The following SUMF1 variants were observed in gnomAD, a reference collection of about 807,000 sequenced individuals.
SUMF1 encodes formylglycine-generating enzyme.
In SUMF1, 48 loss-of-function variants were observed where a neutral mutation model predicts 47.6. That is an observed-to-expected ratio of 1.01 (90% CI 0.80 to 1.28). The LOEUF (loss-of-function observed/expected upper bound fraction) is 1.28. SUMF1 is among the 50% of genes most tolerant of loss of function. SUMF1 has a pLI of 0.00. For synonymous variants in SUMF1, 230 were observed against 192.1 expected, an observed-to-expected ratio of 1.20 and a Z score of -1.63; for missense variants, 571 against 485.4, an observed-to-expected ratio of 1.18 and a Z score of -1.66.
At chr3:4,267,121 G>C (rs1473421349) in intron 8 of SUMF1, among the ~76,000 whole-genome samples, 1 of 152,140 alleles carries the variant, frequency 6.6e-6, no homozygotes, top group African/African-American at 2.4e-5. Context: ...GCTGGATTCA[G>C]TTTGCCAGTA....
chr3:4,146,899 G>T (rs1694207189), intron 8 of SUMF1, among the ~76,000 whole-genome samples: 1 of 152,072 alleles, frequency 6.6e-6, no homozygotes, highest in Non-Finnish European at 1.5e-5. Context: ...GTATTCCATG[G>T]TGTATATGTG....
chr3:4,039,786 T>G (rs1411899163), intron 9 of SUMF1, among the ~76,000 whole-genome samples: 2 of 152,150 alleles, frequency 1.3e-5, no homozygotes, highest in African/African-American at 2.4e-5. Flanking sequence ...TTTTGGAGGC[T>G]GAGGCAGGAG....
At position 4,278,667 on chromosome 3, in the gene SUMF1, G is replaced by A. The variant is rs185127209; in HGVS notation, c.1014+97663C>T. On this transcript the variant is annotated intron_variant and NMD_transcript_variant, in intron 8 of 12. Coordinates refer to the SUMF1 transcript ENST00000448413. Reference sequence around the variant, plus strand: ...TCTCCCTCAAGTGGCACTGTCATCAGTCGAACCAAGATTAGATAAATTAAC... The same window carrying A: ...TCTCCCTCAAGTGGCACTGTCATCAATCGAACCAAGATTAGATAAATTAAC... Among the ~76,000 whole-genome samples the A allele has an allele frequency of 2.2e-4, 34 of 152,212 alleles. 1 individual carries two copies. Among genetic ancestry groups the A allele is most frequent in the Non-Finnish European group, 3.7e-4 (25 of 67,986 alleles).
At chr3:4,254,279 C>T (rs369541975) in intron 8 of SUMF1, among the ~76,000 whole-genome samples, 3 of 151,800 alleles carry the variant, frequency 2.0e-5, no homozygotes, top group South Asian at 2.1e-4. Context: ...CTTTGACGAG[C>T]TGAGAGAAGA....
intron 8 of SUMF1, among the ~76,000 whole-genome samples, chr3:4,270,426 T>A (rs77055892): frequency 0.025 from 3,845 of 151,662 alleles, 154 homozygotes; most frequent in African/African-American, 0.087. Flanking sequence ...TCTCTCTCTC[T>A]CACACACATA....
chr3:4,452,886 T>G lies in SUMF1; in HGVS notation c.434A>C (p.Tyr145Ser). Reference sequence around the variant, plus strand: ...CCCCAATCCCATTACCTCTGTCAAATAGCCAGTTGAGTTCACAAACTTCTC... The same window carrying G: ...CCCCAATCCCATTACCTCTGTCAAAGAGCCAGTTGAGTTCACAAACTTCTC... ...EFEKFVNSTG[Y>S]LTEAEKFGDS... is the part of the protein sequence containing the mutation. The change falls in exon 2 of 9, where the codon TAT (tyrosine) becomes TCT (serine). Residue 145 changes from tyrosine to serine, a missense_variant. Transcript: ENST00000272902. 2 of 1,614,218 alleles carry G rather than the reference T, an allele frequency of 1.2e-6. No individual in the cohort carries two copies. Among genetic ancestry groups the G allele is most frequent in the South Asian group, 2.2e-5 (2 of 91,086 alleles).
chr3:4,260,969 A>T (rs1463425674), intron 8 of SUMF1, among the ~76,000 whole-genome samples: 1 of 152,094 alleles, frequency 6.6e-6, no homozygotes, highest in Non-Finnish European at 1.5e-5. Context: ...CCCAGTGAGA[A>T]CTGTGTTGGT....
chr3:4,068,604 G>T (rs149614513), exon 9 of SUMF1: 9 of 413,126 alleles, frequency 2.2e-5, no homozygotes, highest in African/African-American at 1.6e-4. Context: ...CATGTCAAAC[G>T]TTCAATAGCT....
intron 8 of SUMF1, among the ~76,000 whole-genome samples, chr3:4,281,602 T>C (rs1036881810): frequency 2.0e-5 from 3 of 152,140 alleles, no homozygotes; most frequent in South Asian, 2.1e-4. Context: ...GAGAGATGTT[T>C]ACAGTTCAGG....
rs1693006113 is a variant in SUMF1 at position 4,100,401 on chromosome 3, T to C, written c.1015-31656A>G. Among the ~76,000 whole-genome samples, 6 of 152,142 alleles carry C rather than the reference T, an allele frequency of 3.9e-5. No homozygotes were observed. In the South Asian group the frequency reaches 1.2e-3, roughly 32 times the overall value. On this transcript the variant is annotated intron_variant and NMD_transcript_variant, in intron 8 of 12. Coordinates refer to the SUMF1 transcript ENST00000448413. ...AATAAACCCACACGTCTACAGTCAA[T>C]TAATTTTCAACAAAGGTGCCAAGAA...
intron 8 of SUMF1, among the ~76,000 whole-genome samples, chr3:4,264,730 T>C (rs1004038563): frequency 2.0e-5 from 3 of 152,168 alleles, no homozygotes; most frequent in Non-Finnish European, 2.9e-5. Context: ...CAGGGGAGGA[T>C]AGCCTGGACT....
At chr3:4,098,371 G>A (rs1028087659) in intron 8 of SUMF1, among the ~76,000 whole-genome samples, 1 of 152,128 alleles carries the variant, frequency 6.6e-6, no homozygotes, top group African/African-American at 2.4e-5. Context: ...CAGACACATA[G>A]GGACACACAA....
intron 9 of SUMF1, among the ~76,000 whole-genome samples, chr3:4,068,403 A>G (rs1211601909): frequency 6.6e-6 from 1 of 152,196 alleles, no homozygotes; most frequent in Non-Finnish European, 1.5e-5. Context: ...TTTGAGCCAC[A>G]TTTTAAAAAG....
chr3:4,297,722 T>C (rs1235180341), intron 8 of SUMF1, among the ~76,000 whole-genome samples: 1 of 152,126 alleles, frequency 6.6e-6, no homozygotes, highest in African/African-American at 2.4e-5. Context: ...ATAGTTCTTA[T>C]TAGAAGGCTA....
chr3:4,280,124 TAC>T (rs1320241150), intron 8 of SUMF1, among the ~76,000 whole-genome samples: 2 of 152,182 alleles, frequency 1.3e-5, no homozygotes, highest in African/African-American at 4.8e-5. Context: ...TGTGAGGTAG[TAC>T]AGATGTTAAT....
intron 9 of SUMF1, among the ~76,000 whole-genome samples, chr3:4,042,763 A>G (rs1038039444): frequency 6.6e-6 from 1 of 152,084 alleles, no homozygotes; most frequent in Non-Finnish European, 1.5e-5. Flanking sequence ...TAGGCTGACA[A>G]TAACAACCCC....
chr3:4,126,798 G>T (rs1693664260), intron 8 of SUMF1, among the ~76,000 whole-genome samples: 1 of 152,112 alleles, frequency 6.6e-6, no homozygotes, highest in South Asian at 2.1e-4. Flanking sequence ...ATCATGAAAA[G>T]AAATAATTTT....
intron 8 of SUMF1, among the ~76,000 whole-genome samples, chr3:4,138,851 A>T (rs1694007045): frequency 6.6e-6 from 1 of 152,076 alleles, no homozygotes; most frequent in Non-Finnish European, 1.5e-5. Context: ...GAGGATGGTC[A>T]TGGGAACCCT....
At chr3:4,147,718 T>C (rs1476614216) in intron 8 of SUMF1, among the ~76,000 whole-genome samples, 3 of 152,148 alleles carry the variant, frequency 2.0e-5, no homozygotes, top group African/African-American at 4.8e-5. Context: ...CTTATAACAG[T>C]CATGATACAG....
Sources: allele counts gnomAD v4.1 joint callset (sites outside exome capture counted in the v4.1 genomes callset), GRCh38; gene constraint gnomAD v4.1.1; transcripts MANE v1.5; gene names NCBI Gene and HGNC (gene_info 2026-07-23, HGNC 2026-07-21).